The following SGCD variants were observed in gnomAD, a reference collection of about 807,000 sequenced individuals.
The protein encoded by SGCD is sarcoglycan delta.
A neutral mutation model predicts 36.6 loss-of-function variants in SGCD; 18 were observed. The observed-to-expected ratio is 0.49, with a 90% CI of 0.34 to 0.73. SGCD has a LOEUF of 0.73. SGCD is among the 30% of genes least tolerant of loss of function. The pLI is 0.01. For synonymous variants in SGCD, 133 were observed against 130.6 expected (o/e 1.02, Z -0.12); for missense variants, 387 against 346.7 (o/e 1.12, Z -0.92).
chr5:156,745,428 G>A (rs1415071145), intron 7 of SGCD, among the ~76,000 whole-genome samples: 1 of 152,160 alleles, frequency 6.6e-6, no homozygotes, highest in Non-Finnish European at 1.5e-5. Context: ...AGTTCACGGT[G>A]GCACCAGTGA....
At chr5:156,294,839 G>A (rs1278117425) in intron 3 of SGCD, among the ~76,000 whole-genome samples, 1 of 151,976 alleles carries the variant, frequency 6.6e-6, no homozygotes, top group African/African-American at 2.4e-5. Flanking sequence ...ATCCCACTTG[G>A]CCATAGTTTA....
At chr5:156,529,021 G>A (rs1757764434) in intron 4 of SGCD, among the ~76,000 whole-genome samples, 1 of 152,162 alleles carries the variant, frequency 6.6e-6, no homozygotes, top group Admixed American at 6.5e-5. Context: ...ACTGCAGCTT[G>A]GTTTGTTCCT....
chr5:156,183,326 G>A (rs1763653277), intron 3 of SGCD, among the ~76,000 whole-genome samples: 2 of 152,128 alleles, frequency 1.3e-5, no homozygotes, highest in South Asian at 4.1e-4. Flanking sequence ...AAAATAGGAT[G>A]AGATTGAAAT....
chr5:156,197,945 G>A (rs1033648131), intron 3 of SGCD, among the ~76,000 whole-genome samples: 2 of 152,060 alleles, frequency 1.3e-5, no homozygotes, highest in African/African-American at 4.8e-5. Context: ...GCATAGAGGA[G>A]GGAGGAAGCC....
intron 7 of SGCD, among the ~76,000 whole-genome samples, chr5:156,678,262 A>G (rs139588853): frequency 2.0e-5 from 3 of 152,338 alleles, no homozygotes; most frequent in East Asian, 3.9e-4. Flanking sequence ...AACAGTGCCC[A>G]GTCTATAATT....
At chr5:155,796,981 G>T in the SGCD span, among the ~76,000 whole-genome samples, 2 of 151,976 alleles carry the variant, frequency 1.3e-5, no homozygotes, top group African/African-American at 4.8e-5. Context: ...ACCAGAAGTT[G>T]TTTCTTTACA....
chr5:156,227,026 G>A (rs1764878779), intron 3 of SGCD, among the ~76,000 whole-genome samples: 1 of 151,916 alleles, frequency 6.6e-6, no homozygotes, highest in African/African-American at 2.4e-5. Flanking sequence ...AGATTATGAA[G>A]ACTTTCTCCC....
At position 156,068,244 on chromosome 5, in the gene SGCD, G is replaced by T. The variant is rs368577748; in HGVS notation, c.-281-49634G>T. 7.9e-5 allele frequency among the ~76,000 whole-genome samples: 12 copies of T among 151,748 alleles called. No homozygotes were observed. The East Asian group carries it at 1.9e-3, about 25-fold the overall frequency. On this transcript the variant is annotated intron_variant, in intron 1 of 9. Coordinates refer to the SGCD transcript ENST00000517913. ...CCATTAACTCGTCATTTAGCATCAGGTATGTCTCCTAAAGCTATCCCTCCC... is the reference window on the plus strand; with the variant it reads ...CCATTAACTCGTCATTTAGCATCAGTTATGTCTCCTAAAGCTATCCCTCCC...
At chr5:155,833,640 C>T in the SGCD span, among the ~76,000 whole-genome samples, 30 of 152,256 alleles carry the variant, frequency 2.0e-4, no homozygotes, top group East Asian at 5.2e-3. Context: ...GTTCATTTTG[C>T]GAGCTCCAGT....
intron 3 of SGCD, among the ~76,000 whole-genome samples, chr5:156,366,581 T>C (rs1475058407): frequency 6.6e-6 from 1 of 152,116 alleles, no homozygotes; most frequent in Non-Finnish European, 1.5e-5. Flanking sequence ...GTTAAAGAAA[T>C]ACATGTGATT....
Position 156,160,646 on chromosome 5 carries a change from A to G in SGCD, c.-44+36627A>G, listed in dbSNP as rs193259190. Among the ~76,000 whole-genome samples the G allele has an allele frequency of 6.2e-4, 94 of 151,854 alleles. 3 individuals are homozygous for G. Among genetic ancestry groups the G allele is most frequent in the South Asian group, 6.0e-3 (29 of 4,824 alleles). On this transcript the variant is annotated intron_variant, in intron 3 of 9. Transcript: ENST00000517913. The stretch of plus-strand genomic sequence containing the variant: ...AATTGCACATATATTCTTGATTTCA[A>G]TATTTAGCCCTCTATAGCATTTACG...
At chr5:155,734,331 AG>A in the SGCD span, among the ~76,000 whole-genome samples, 2 of 151,746 alleles carry the variant, frequency 1.3e-5, no homozygotes, top group African/African-American at 4.8e-5. Flanking sequence ...CAGCCTTCCG[AG>A]TATCTGGGAT....
chr5:155,731,153 A>G, the SGCD span, among the ~76,000 whole-genome samples: 1 of 152,054 alleles, frequency 6.6e-6, no homozygotes, highest in Non-Finnish European at 1.5e-5. Context: ...GCAGAAAGAG[A>G]TGGAGAGAGA....
intron 1 of SGCD, among the ~76,000 whole-genome samples, chr5:156,014,262 T>C (rs867062377): frequency 2.5e-4 from 38 of 152,250 alleles, no homozygotes; most frequent in African/African-American, 8.7e-4. Context: ...AATCACTTAC[T>C]GTTTATTTCT....
At chr5:156,412,238 C>T (rs1397027391) in intron 3 of SGCD, among the ~76,000 whole-genome samples, 3 of 152,232 alleles carry the variant, frequency 2.0e-5, no homozygotes, top group Non-Finnish European at 4.4e-5. Context: ...CTTGAGTTTC[C>T]TCATCATTCC....
chr5:155,965,874 C>A (rs565055407), intron 1 of SGCD, among the ~76,000 whole-genome samples: 1 of 152,190 alleles, frequency 6.6e-6, no homozygotes, highest in Non-Finnish European at 1.5e-5. Flanking sequence ...TTTATTCCTG[C>A]GTTCGTCCCC....
At chr5:156,311,185 A>G (rs751309424) in intron 3 of SGCD, among the ~76,000 whole-genome samples, 25 of 152,164 alleles carry the variant, frequency 1.6e-4, no homozygotes, top group Non-Finnish European at 3.4e-4. Context: ...TTTCTCTCCA[A>G]TTCTCTGACA....
At chr5:156,081,105 G>T (rs909451163) in intron 1 of SGCD, among the ~76,000 whole-genome samples, 7 of 152,204 alleles carry the variant, frequency 4.6e-5, no homozygotes, top group African/African-American at 1.7e-4. Flanking sequence ...TCTGGTGAGG[G>T]CCTCAGGAAG....
chr5:155,875,407 T>G (rs1023976342), intron 1 of SGCD, among the ~76,000 whole-genome samples: 6 of 152,094 alleles, frequency 3.9e-5, no homozygotes, highest in African/African-American at 1.4e-4. Context: ...CAGTTATAGC[T>G]CAACAAATAT....
Sources: allele counts gnomAD v4.1 joint callset (sites outside exome capture counted in the v4.1 genomes callset), GRCh38; gene constraint gnomAD v4.1.1; transcripts MANE v1.5; gene names NCBI Gene and HGNC (gene_info 2026-07-23, HGNC 2026-07-21).